Variants in AEBP1 observed in about 807,000 individuals in gnomAD.
AEBP1 encodes AE binding protein 1.
Under a neutral mutation model 116.5 loss-of-function variants are expected in AEBP1, and 69 were observed. The observed-to-expected ratio is 0.59, with a 90% CI of 0.49 to 0.72. AEBP1 has a LOEUF of 0.72. Ranked by LOEUF, AEBP1 falls within the 30% of genes least tolerant of loss-of-function variation. The probability of loss-of-function intolerance (pLI) is 0.00; values close to 1 mark genes in which losing one functional copy is unlikely to be tolerated. For missense variants in AEBP1, 1,444 were observed against 1,557.5 expected, an observed-to-expected ratio of 0.93 and a Z score of 1.23; for synonymous variants, 627 against 627.3, an observed-to-expected ratio of 1.00 and a Z score of 0.01.
intron 1 of AEBP1, 86 bp downstream of exon 1, chr7:44,105,004 A>C (rs1321751070): frequency 9.8e-6 from 11 of 1,125,212 alleles, no homozygotes; most frequent in Non-Finnish European, 1.4e-5. Context: ...GCCACTCCCC[A>C]GTCTGCTAGG....
At position 44,104,391 on chromosome 7, in the gene AEBP1, G is replaced by A. The variant is rs1020700932; in HGVS notation, c.-275G>A. 1.6e-5 allele frequency: 5 copies of A among 308,678 alleles called. No individual in the cohort carries two copies. Among genetic ancestry groups the A allele is most frequent in the Middle Eastern group, 8.3e-4 (1 of 1,204 alleles). The allele number at this position is 308,678 out of a possible 1,614,324, so 19.1% of individuals were successfully genotyped here. A position where few individuals can be genotyped will look rare whatever the true frequency, so the allele number is the denominator to read the frequency against. On this transcript the variant is annotated 5_prime_UTR_variant, in exon 1 of 21. Coordinates refer to ENST00000223357, the MANE Select transcript of AEBP1 (RefSeq NM_001129.5). ...ATCCGCGCGGGAGTGCGCCACGCGG[G>A]GCCGGAGCGCCTATTAGCCGCCAGG...
chr7:44,112,099 G>A lies in AEBP1; in HGVS notation c.2038-43G>A, dbSNP rs772791234. ...CAGGGTCCAGGCAGCTGGGGGTTGT[G>A]GGGGTGTGGGTAGCCGATGCCTACC... On this transcript the variant is annotated intron_variant, in intron 16 of 20. Transcript: ENST00000223357. This position sits in a 1 kb window ranked among gnomAD's most constrained non-coding sequence, Gnocchi z 6.6. 13 of 1,602,962 alleles carry A rather than the reference G, an allele frequency of 8.1e-6. No homozygotes were observed. The South Asian group carries it at 1.3e-4, about 16-fold the overall frequency.
rs562760687 is a variant in AEBP1, at chr7:44,111,620, G to A, written c.1830G>A (p.Glu610=). The A allele has an allele frequency of 2.5e-5, 40 of 1,612,690 alleles. No individual in the cohort carries two copies. In the South Asian group the frequency reaches 4.2e-4, roughly 17 times the overall value. Residue 610 remains glutamate, a synonymous_variant, in exon 15 of 21, where the codon GAG becomes GAA. Coordinates refer to ENST00000223357, the MANE Select transcript of AEBP1 (RefSeq NM_001129.5). This position sits in a 1 kb window ranked among gnomAD's most constrained non-coding sequence, Gnocchi z 4.7. Reference sequence around the variant, plus strand: ...TGGAGATCTCAGACAACCCTGGGGAGCATGAACTGGGTGAGGGTCTGTGGG... The same window carrying A: ...TGGAGATCTCAGACAACCCTGGGGAACATGAACTGGGTGAGGGTCTGTGGG... ...YAMEISDNPG[E]HELGEPEFRY...
chr7:44,113,665 A>C lies in AEBP1; in HGVS notation c.2881A>C (p.Thr961Pro), dbSNP rs752126244. The change falls in exon 21 of 21, where the codon ACC becomes CCC. Residue 961 changes from threonine to proline, a missense_variant. Physicochemically the swap from Thr to Pro is conservative, Grantham distance 38 (BLOSUM62 -1). Transcript: ENST00000223357. This position sits in a 1 kb window ranked among gnomAD's most constrained non-coding sequence, Gnocchi z 5.3. The stretch of plus-strand genomic sequence containing the variant: ...CGTGACAGCCCACGCGGAGGGCTAC[A>C]CCCCGAGCGCCAAGACCTGCAATGT... ...YRVTAHAEGY[T>P]PSAKTCNVDY... The C allele has an allele frequency of 6.2e-7, 1 of 1,613,680 alleles. No homozygotes were observed. The highest frequency in any genetic ancestry group is 1.1e-5 in the South Asian group (1 of 91,078).
chr7:44,110,492 T>C, intron 11 of AEBP1, 146 bp downstream of exon 11: 1 of 1,258,256 alleles, frequency 7.9e-7, no homozygotes, highest in Non-Finnish European at 1.1e-6. Context: ...ACCCTGCCCA[T>C]CCCCACTCCT....
Position 44,104,468 on chromosome 7 carries a change from A to C in AEBP1, c.-198A>C. 7.1e-6 allele frequency: 3 copies of C among 423,984 alleles called. No homozygotes were observed. The highest frequency in any genetic ancestry group is 3.9e-5 in the East Asian group (1 of 25,932). The allele number at this position is 423,984 out of a possible 1,614,324, so 26.3% of individuals were successfully genotyped here. ...AGCCCCTCTGGCTTCGGAGCCCCCC[A>C]GCACCCCTTCCCGGGTCCCCTCGCC... On this transcript the variant is annotated 5_prime_UTR_variant, in exon 1 of 21. Transcript: ENST00000223357.
At position 44,113,213 on chromosome 7, in the gene AEBP1, A is replaced by T. The variant is rs149375898; in HGVS notation, c.2710-39A>T. Reference sequence around the variant, plus strand: ...GGGAGGGAGCAGCGGACCACATTGGACCTTCCTGAGGACCAGCAGCCCTCA... The same window carrying T: ...GGGAGGGAGCAGCGGACCACATTGGTCCTTCCTGAGGACCAGCAGCCCTCA... On this transcript the variant is annotated intron_variant, in intron 19 of 20. Transcript: ENST00000223357. This position sits in a 1 kb window ranked among gnomAD's most constrained non-coding sequence, Gnocchi z 5.3. 1.8e-5 allele frequency: 29 copies of T among 1,613,106 alleles called. No individual in the cohort carries two copies. The highest frequency in any genetic ancestry group is 4.5e-5 in the East Asian group (2 of 44,842).
At position 44,112,431 on chromosome 7, in the gene AEBP1, G is replaced by T; in HGVS notation, c.2217+110G>T. 7.1e-7 allele frequency: 1 copy of T among 1,398,644 alleles called. No individual in the cohort carries two copies. Among genetic ancestry groups the T allele is most frequent in the Non-Finnish European group, 9.6e-7 (1 of 1,038,170 alleles). 86.6% of individuals were successfully genotyped at this position (1,398,644 alleles called of 1,614,324 possible). ...CGGTGCCTGAACTCCAGACGCTGAG[G>T]CTCTGGGGGTTGGGGGACAGGGGAT... On this transcript the variant is annotated intron_variant, in intron 17 of 20. Coordinates refer to ENST00000223357, the MANE Select transcript of AEBP1 (RefSeq NM_001129.5). The surrounding 1 kb of genome is among the most constrained non-coding windows in gnomAD (Gnocchi z 6.6).
intron 1 of AEBP1, 166 bp from the exon 2 acceptor site, chr7:44,106,380 G>A (rs1039379005): frequency 1.8e-5 from 15 of 812,006 alleles, no homozygotes; most frequent in East Asian, 8.0e-5. Flanking sequence ...ATCTGGGTCC[G>A]GATCCCAGTT....
chr7:44,114,307 C>A lies in AEBP1; in HGVS notation c.*46C>A. 6.3e-7 allele frequency: 1 copy of A among 1,597,844 alleles called. No homozygotes were observed. Among genetic ancestry groups the A allele is most frequent in the Non-Finnish European group, 8.6e-7 (1 of 1,167,832 alleles). ...CCCAGCCCAACTCAAGCTACAGCAG[C>A]AGCACTTCCCAAGCCTGCTGACCAC... is the stretch of plus-strand genomic sequence containing the variant. On this transcript the variant is annotated 3_prime_UTR_variant, in exon 21 of 21. Coordinates refer to ENST00000223357, the MANE Select transcript of AEBP1 (RefSeq NM_001129.5).
chr7:44,112,863 C>A lies in AEBP1; in HGVS notation c.2523C>A (p.Gly841=). 1.9e-6 allele frequency: 3 copies of A among 1,612,242 alleles called. No homozygotes were observed. The highest frequency in any genetic ancestry group is 1.1e-5 in the South Asian group (1 of 91,066). The change falls in exon 18 of 21, where the codon GGC becomes GGA. Residue 841 remains glycine (G), a synonymous_variant. Coordinates refer to ENST00000223357, the MANE Select transcript of AEBP1 (RefSeq NM_001129.5). The surrounding 1 kb of genome is among the most constrained non-coding windows in gnomAD (Gnocchi z 6.6). The part of the protein sequence containing the change: ...RGGCQAQDYT[G]GMGIVNGAKW... Reference sequence around the variant, plus strand: ...GCTGCCAAGCCCAGGACTACACCGGCGGCATGGGCATCGTCAACGGGGCCA... The same window carrying A: ...GCTGCCAAGCCCAGGACTACACCGGAGGCATGGGCATCGTCAACGGGGCCA...
rs765552515 is a variant in AEBP1, at chr7:44,107,972, G to A, written c.863-35G>A. 105 of 1,514,894 alleles carry A rather than the reference G, an allele frequency of 6.9e-5. No individual in the cohort carries two copies. Among genetic ancestry groups the A allele is most frequent in the Middle Eastern group, 6.0e-4 (3 of 4,984 alleles). 93.8% of individuals were successfully genotyped at this position (1,514,894 alleles called of 1,614,324 possible). On this transcript the variant is annotated intron_variant, in intron 5 of 20. Transcript: ENST00000223357. This position sits in a 1 kb window ranked among gnomAD's most constrained non-coding sequence, Gnocchi z 4.3. Reference sequence around the variant, plus strand: ...GGAGAGGAGGTGCCATGGCCACGGCGCTCTGGCCCCCTCCTAACCTCCCCG... The same window carrying A: ...GGAGAGGAGGTGCCATGGCCACGGCACTCTGGCCCCCTCCTAACCTCCCCG...
chr7:44,108,177 C>T lies in AEBP1; in HGVS notation c.940+93C>T, dbSNP rs1343953482. 1.6e-6 allele frequency: 2 copies of T among 1,241,794 alleles called. No homozygotes were observed. The highest frequency in any genetic ancestry group is 2.3e-6 in the Non-Finnish European group (2 of 876,500). 76.9% of individuals were successfully genotyped at this position (1,241,794 alleles called of 1,614,324 possible). ...GGAGCCAGCTGGGGCAACTCACCCA[C>T]CTTGCAACCCCACCTGTGCCCGTGG... On this transcript the variant is annotated intron_variant, in intron 6 of 20. Transcript: ENST00000223357. The surrounding 1 kb of genome is among the most constrained non-coding windows in gnomAD (Gnocchi z 5.0).
Position 44,107,028 on chromosome 7 carries a change from A to T in AEBP1, c.595+141A>T. 1 of 702,802 alleles carries T rather than the reference A, an allele frequency of 1.4e-6. No homozygotes were observed. The allele number at this position is 702,802 out of a possible 1,614,324, so 43.5% of individuals were successfully genotyped here. A position where few individuals can be genotyped will look rare whatever the true frequency, so the allele number is the denominator to read the frequency against. ...GGATGGGAACCTCACTTTTGCTATA[A>T]ATTTCACAATTTGATTGGTGGGCTC... On this transcript the variant is annotated intron_variant, in intron 2 of 20. Coordinates refer to ENST00000223357, the MANE Select transcript of AEBP1 (RefSeq NM_001129.5). This position sits in a 1 kb window ranked among gnomAD's most constrained non-coding sequence, Gnocchi z 4.3.
chr7:44,112,817 T>C lies in AEBP1; in HGVS notation c.2477T>C (p.Leu826Ser). The C allele has an allele frequency of 2.5e-6, 4 of 1,612,268 alleles. No individual in the cohort carries two copies. Among genetic ancestry groups the C allele is most frequent in the Non-Finnish European group, 3.4e-6 (4 of 1,179,924 alleles). Reference protein sequence around the residue: ...AISFASAHLTLTEPYRGGCQA... With the variant: ...AISFASAHLTSTEPYRGGCQA... ...TCCTTCGCCTCCGCACACCTCACCT[T>C]GACCGAGCCCTACCGCGGAGGCTGC... Residue 826 changes from leucine (L) to serine (S), a missense_variant, in exon 18 of 21, where the codon TTG becomes TCG. Transcript: ENST00000223357. The surrounding 1 kb of genome is among the most constrained non-coding windows in gnomAD (Gnocchi z 6.6).
In AEBP1 at chr7:44,109,135, C is replaced by T. The variant is rs1408516615; in HGVS notation, c.1047C>T (p.Pro349=). ...LKKPKKEDSS[P]KEETDKWAVE... ...AACCCAAAAAGGAGGACAGCAGCCC[C>T]AAGGAGGAGACCGACAAGTGGGCAG... is the stretch of plus-strand genomic sequence containing the variant. Residue 349 remains proline (P), a synonymous_variant, in exon 8 of 21, where the codon CCC becomes CCT. Transcript: ENST00000223357. The T allele has an allele frequency of 5.0e-6, 8 of 1,613,536 alleles. No individual in the cohort carries two copies. The highest frequency in any genetic ancestry group is 6.8e-6 in the Non-Finnish European group (8 of 1,180,008).
At chr7:44,109,370 TG>T in intron 9 of AEBP1, 29 bp downstream of exon 9, 2 of 450,184 alleles carry the variant, frequency 4.4e-6, no homozygotes, top group Non-Finnish European at 6.7e-6. Context: ...GGGGTGAGGG[TG>T]GGGGCCACAG....
At position 44,108,166 on chromosome 7, in the gene AEBP1, C is replaced by T. The variant is rs146527855; in HGVS notation, c.940+82C>T. 1,660 of 1,373,128 alleles carry T rather than the reference C, an allele frequency of 1.2e-3. 14 individuals carry two copies. In the African/African-American group the frequency reaches 0.02, roughly 17 times the overall value. 85.1% of individuals were successfully genotyped at this position (1,373,128 alleles called of 1,614,324 possible). ...GGGTGTGGTCAGGAGCCAGCTGGGG[C>T]AACTCACCCACCTTGCAACCCCACC... On this transcript the variant is annotated intron_variant, in intron 6 of 20. Transcript: ENST00000223357. This position sits in a 1 kb window ranked among gnomAD's most constrained non-coding sequence, Gnocchi z 5.0.
Position 44,109,311 on chromosome 7 carries a change from G to T in AEBP1, c.1120G>T (p.Glu374Ter). The change falls in exon 9 of 21, where the codon GAG (glutamate) becomes TAG (stop). Residue 374 changes from glutamate to a stop codon, truncating the protein, a stop_gained. Transcript: ENST00000223357. LOFTEE classifies it high-confidence loss of function. The part of the protein sequence containing the change: ...HKEPRKGEEL[E>*]EEWTPTEKVK... ...AGAGCCCCGAAAGGGCGAGGAGTTG[G>T]AGGAGGAGTGGACGCCTACGGAGAA... 6.2e-7 allele frequency: 1 copy of T among 1,606,568 alleles called. No homozygotes were observed.
Sources: gnomAD v4.1 joint callset for allele counts on GRCh38, gnomAD v4.1.1 for gene constraint, Gnocchi (gnomAD v3.1) non-coding constraint, MANE v1.5 for transcripts, NCBI Gene and HGNC (gene_info 2026-07-23, HGNC 2026-07-21) for gene names.